The following UBR1 variants were observed in gnomAD, a reference collection of about 807,000 sequenced individuals.
The protein encoded by UBR1 is E3 ubiquitin-protein ligase UBR1.
A neutral mutation model predicts 242.1 loss-of-function variants in UBR1; 102 were observed. The ratio of observed to expected loss-of-function variants is 0.42; its 90% confidence interval spans 0.36 to 0.50. The LOEUF (loss-of-function observed/expected upper bound fraction) is 0.50. UBR1 is among the 20% of genes least tolerant of loss of function. The probability of loss-of-function intolerance (pLI) is 0.01; values close to 1 mark genes in which losing one functional copy is unlikely to be tolerated. For missense variants in UBR1, 1,772 were observed against 2,101.8 expected (o/e 0.84, Z 3.07); for synonymous variants, 675 against 684.8 (o/e 0.99, Z 0.22).
chr15:43,071,497 C>T (rs927352291), intron 4 of UBR1, among the ~76,000 whole-genome samples: 1 of 152,136 alleles, frequency 6.6e-6, no homozygotes, highest in African/African-American at 2.4e-5. Flanking sequence ...GTTTCAGTGT[C>T]ACAAGATGAA....
chr15:42,988,269 ATGTGTG>A (rs112501912), intron 35 of UBR1, among the ~76,000 whole-genome samples: 99 of 147,888 alleles, frequency 6.7e-4, no homozygotes, highest in African/African-American at 2.4e-3. Flanking sequence ...AAAGGAATAT[ATGTGTG>A]TGTGTGTGTG....
intron 13 of UBR1, 113 bp from the exon 14 acceptor site, chr15:43,047,402 T>G: frequency 6.1e-6 from 9 of 1,484,450 alleles, no homozygotes; most frequent in Non-Finnish European, 8.4e-6. Flanking sequence ...GTTGTTACAC[T>G]GGGTCAGAAT....
chr15:42,946,285 T>C (rs766725832), intron 46 of UBR1, among the ~76,000 whole-genome samples: 1 of 152,034 alleles, frequency 6.6e-6, no homozygotes, highest in Non-Finnish European at 1.5e-5. Context: ...CCACGATACC[T>C]GGCTAATTGT....
intron 10 of UBR1, 105 bp downstream of exon 10, chr15:43,058,236 A>G: frequency 1.1e-6 from 1 of 908,566 alleles, no homozygotes; most frequent in Non-Finnish European, 1.7e-6. Context: ...CAAAGAAATA[A>G]ATCATAACAT....
At chr15:43,082,434 C>A (rs1215836443) in intron 3 of UBR1, among the ~76,000 whole-genome samples, 1 of 152,188 alleles carries the variant, frequency 6.6e-6, no homozygotes, top group Non-Finnish European at 1.5e-5. Flanking sequence ...CACATAATAT[C>A]TGATCTTGAG....
At chr15:43,030,754 T>C (rs1426574620) in intron 20 of UBR1, among the ~76,000 whole-genome samples, 1 of 152,196 alleles carries the variant, frequency 6.6e-6, no homozygotes, top group Non-Finnish European at 1.5e-5. Flanking sequence ...TATGTGGCCT[T>C]ATGTTACCAC....
At position 43,026,570 on chromosome 15, in the gene UBR1, C is replaced by T. The variant is rs527706798; in HGVS notation, c.2526G>A (p.Gln842=). 14 of 1,612,942 alleles carry T rather than the reference C, an allele frequency of 8.7e-6. No homozygotes were observed. The African/African-American group carries it at 1.2e-4, about 14-fold the overall frequency. The change falls in exon 23 of 47, where the codon CAG becomes CAA. Residue 842 remains glutamine, a synonymous_variant. Coordinates refer to ENST00000290650, the MANE Select transcript of UBR1 (RefSeq NM_174916.3). ...NMYFYHYSKT[Q]HSKAEHMQKK... ...GGATACTTTTTTCTACCTTGCTATG[C>T]TGGGTTTTGGAGTAATGATAAAAGT...
intron 44 of UBR1, among the ~76,000 whole-genome samples, chr15:42,955,210 CT>C (rs1224163989): frequency 1.3e-5 from 2 of 151,746 alleles, no homozygotes; most frequent in Admixed American, 6.6e-5. Context: ...AACTGCACTC[CT>C]TTTTTTTGGT....
intron 4 of UBR1, among the ~76,000 whole-genome samples, chr15:43,072,502 C>T (rs905741982): frequency 2.6e-5 from 4 of 152,230 alleles, no homozygotes; most frequent in African/African-American, 7.2e-5. Flanking sequence ...CCCTTTCCAA[C>T]GTGGATGCCT....
chr15:42,945,742 G>A (rs567663455), intron 46 of UBR1, among the ~76,000 whole-genome samples: 68 of 152,270 alleles, frequency 4.5e-4, no homozygotes, highest in Admixed American at 4.1e-3. Flanking sequence ...TGGTCACTGA[G>A]GTTTATAACT....
chr15:43,055,972 C>G (rs970872378), intron 11 of UBR1, among the ~76,000 whole-genome samples: 1 of 152,140 alleles, frequency 6.6e-6, no homozygotes, highest in African/African-American at 2.4e-5. Context: ...ATCTTCCACT[C>G]TCCTCCCAGG....
At chr15:43,059,563 T>G in intron 8 of UBR1, 139 bp downstream of exon 8, 1 of 1,042,130 alleles carries the variant, frequency 9.6e-7, no homozygotes, top group Non-Finnish European at 1.4e-6. Flanking sequence ...AATGCAACCC[T>G]GAAAATTAAT....
At chr15:43,083,752 T>C (rs904887010) in intron 2 of UBR1, among the ~76,000 whole-genome samples, 1 of 151,830 alleles carries the variant, frequency 6.6e-6, no homozygotes, top group Non-Finnish European at 1.5e-5. Context: ...AAAAAGATTT[T>C]AAAAGGCTGG....
chr15:43,076,785 GC>G (rs1168071583), intron 3 of UBR1, among the ~76,000 whole-genome samples: 1 of 138,508 alleles, frequency 7.2e-6, no homozygotes, highest in Non-Finnish European at 1.6e-5. Context: ...GAGGGGGTCA[GC>G]CCCCCGCCCG....
At chr15:43,044,096 C>T (rs1241620987) in intron 14 of UBR1, among the ~76,000 whole-genome samples, 10 of 152,314 alleles carry the variant, frequency 6.6e-5, no homozygotes, top group African/African-American at 2.4e-4. Flanking sequence ...AGAAATACAA[C>T]TCCTATTCAG....
chr15:43,036,680 C>T, intron 17 of UBR1, 87 bp from the exon 18 acceptor site: 3 of 949,700 alleles, frequency 3.2e-6, no homozygotes, highest in Non-Finnish European at 3.3e-6. Flanking sequence ...AAAACTTTCT[C>T]TAAGCTAGAA....
intron 11 of UBR1, among the ~76,000 whole-genome samples, chr15:43,055,330 G>GT (rs1204813409): frequency 6.6e-6 from 1 of 152,076 alleles, no homozygotes; most frequent in African/African-American, 2.4e-5. Flanking sequence ...TGTAATCTCA[G>GT]TTATTCAGGA....
intron 1 of UBR1, among the ~76,000 whole-genome samples, chr15:43,088,988 C>T (rs912400217): frequency 2.0e-5 from 3 of 150,266 alleles, no homozygotes; most frequent in Non-Finnish European, 3.0e-5. Context: ...ATGCTGAAAC[C>T]CCGTCTCTAC....
chr15:43,025,040 G>A lies in UBR1; in HGVS notation c.2585-57C>T. On this transcript the variant is annotated intron_variant, in intron 24 of 46. Coordinates refer to ENST00000290650, the MANE Select transcript of UBR1 (RefSeq NM_174916.3). ...GACAAACAGGTACATTTTTATTTGG[G>A]TTATCCTACATACTAAAGTGCAAAT... The A allele has an allele frequency of 2.5e-6, 4 of 1,602,342 alleles. No individual in the cohort carries two copies. In the South Asian group the frequency reaches 3.3e-5, roughly 13 times the overall value.
Sources: gnomAD v4.1 joint callset for allele counts (sites outside exome capture counted in the v4.1 genomes callset) on GRCh38, gnomAD v4.1.1 for gene constraint, MANE v1.5 for transcripts, NCBI Gene and HGNC (gene_info 2026-07-23, HGNC 2026-07-21) for gene names.